Variants in ATP9B observed in about 807,000 individuals in gnomAD.
ATP9B encodes the protein ATPase phospholipid transporting 9B.
ATP9B carries 110 observed loss-of-function variants against 146.1 expected under a neutral mutation model. The ratio of observed to expected loss-of-function variants is 0.75; its 90% confidence interval spans 0.65 to 0.88. ATP9B has a LOEUF of 0.88. Among genes scored for constraint, ATP9B ranks in the 40% least tolerant of loss-of-function variants. The pLI, the probability that ATP9B is intolerant of heterozygous loss-of-function variation, is 0.00. For synonymous variants in ATP9B, 604 were observed against 569.7 expected (o/e 1.06, Z -0.86); for missense variants, 1,499 against 1,496.4 (o/e 1.00, Z -0.03).
chr18:79,327,538 CGTGCTCTCCGTGGTT>C (rs1568697133), intron 15 of ATP9B, among the ~76,000 whole-genome samples: 44 of 122,280 alleles, frequency 3.6e-4, no homozygotes, highest in Non-Finnish European at 5.0e-4. Flanking sequence ...CCGTGGTTAG[CGTGCTCTCCGTGGTT>C]AGCGTGCTCT....
intron 7 of ATP9B, among the ~76,000 whole-genome samples, chr18:79,156,248 C>G (rs959593079): frequency 9.9e-5 from 15 of 152,182 alleles, no homozygotes; most frequent in African/African-American, 3.4e-4. Context: ...CTGGCTACTT[C>G]CAGCCCATTT....
chr18:79,348,221 G>A (rs757029177), intron 25 of ATP9B, 25 bp downstream of exon 25: 15 of 1,237,738 alleles, frequency 1.2e-5, no homozygotes, highest in Non-Finnish European at 1.7e-5. Context: ...GAACCTGCCA[G>A]CTCATCCAGG....
In ATP9B at chr18:79,329,911, T is replaced by C. The variant is rs1296543444; in HGVS notation, c.1936-101T>C. On this transcript the variant is annotated intron_variant, in intron 16 of 29. Coordinates refer to ENST00000426216, the MANE Select transcript of ATP9B (RefSeq NM_198531.5). ...AGCTTAACACACAGGAACACATTCA[T>C]AGGAATTGCTTTTTCCATTGTATGT... is the stretch of plus-strand genomic sequence containing the variant. 4 of 1,057,030 alleles carry C rather than the reference T, an allele frequency of 3.8e-6. No homozygotes were observed. In the Admixed American group the frequency reaches 7.4e-5, roughly 20 times the overall value. The allele number at this position is 1,057,030 out of a possible 1,614,324, so 65.5% of individuals were successfully genotyped here.
chr18:79,085,005 CAA>C (rs36084623), intron 1 of ATP9B: 185 of 136,160 alleles, frequency 1.4e-3, no homozygotes, highest in Non-Finnish European at 1.6e-3. Context: ...GGGTAATTTA[CAA>C]AAAAAAAAAA....
At chr18:79,284,255 C>T (rs546358687) in intron 13 of ATP9B, among the ~76,000 whole-genome samples, 3 of 152,220 alleles carry the variant, frequency 2.0e-5, no homozygotes, top group South Asian at 2.1e-4. Flanking sequence ...TGCTAATAAC[C>T]GGGTATTCAG....
At chr18:79,310,495 A>G (rs2096646551) in intron 15 of ATP9B, among the ~76,000 whole-genome samples, 1 of 152,236 alleles carries the variant, frequency 6.6e-6, no homozygotes, top group Non-Finnish European at 1.5e-5. Context: ...TTTACTTTAA[A>G]ATTGCCTGAA....
rs901240915 is a variant in ATP9B, at chr18:79,305,002, G to A, written c.1524+1286G>A. On this transcript the variant is annotated intron_variant, in intron 14 of 29. Coordinates refer to ENST00000426216, the MANE Select transcript of ATP9B (RefSeq NM_198531.5). ...CCTGGGGGGTGTGACAGTTCCCAGCGCTGCACGGCACTGCTCCCCGGACTT... is the reference window on the plus strand; with the variant it reads ...CCTGGGGGGTGTGACAGTTCCCAGCACTGCACGGCACTGCTCCCCGGACTT... Among the ~76,000 whole-genome samples the A allele has an allele frequency of 4.6e-5, 7 of 152,012 alleles. No homozygotes were observed. The South Asian group carries it at 6.2e-4, about 14-fold the overall frequency.
At chr18:79,083,571 C>T (rs916780940) in intron 1 of ATP9B, among the ~76,000 whole-genome samples, 8 of 152,144 alleles carry the variant, frequency 5.3e-5, no homozygotes, top group Non-Finnish European at 7.3e-5. Context: ...CTGCGGATTG[C>T]GAAGACCATG....
intron 2 of ATP9B, 97 bp downstream of exon 2, chr18:79,096,746 A>C: frequency 6.2e-6 from 6 of 968,588 alleles, no homozygotes; most frequent in Non-Finnish European, 8.9e-6. Flanking sequence ...ATAAAAACTC[A>C]AGGAGATATT....
chr18:79,211,481 T>C (rs2095583666), intron 10 of ATP9B, among the ~76,000 whole-genome samples: 1 of 152,202 alleles, frequency 6.6e-6, no homozygotes, highest in Non-Finnish European at 1.5e-5. Flanking sequence ...AGGCTAAGTC[T>C]CGAGGGCCCT....
At chr18:79,198,399 GA>G (rs377264060) in intron 9 of ATP9B, among the ~76,000 whole-genome samples, 27 of 152,302 alleles carry the variant, frequency 1.8e-4, no homozygotes, top group Non-Finnish European at 3.7e-4. Context: ...AACATAATGA[GA>G]AAAGGGTTTA....
intron 16 of ATP9B, 149 bp downstream of exon 16, chr18:79,329,451 C>G: frequency 3.2e-6 from 3 of 947,424 alleles, no homozygotes; most frequent in Non-Finnish European, 4.3e-6. Flanking sequence ...TTAATGAAAT[C>G]TAAGCTAATA....
chr18:79,093,855 C>T lies in ATP9B; in HGVS notation c.120-2621C>T, dbSNP rs186336582. Reference sequence around the variant, plus strand: ...GACTGTTCAACTTTATCTCATGGAGCGTGGATATAATGGCTGTTTTAAAAT... The same window carrying T: ...GACTGTTCAACTTTATCTCATGGAGTGTGGATATAATGGCTGTTTTAAAAT... On this transcript the variant is annotated intron_variant, in intron 1 of 29. Transcript: ENST00000426216. Among the ~76,000 whole-genome samples, 192 of 152,310 alleles carry T rather than the reference C, an allele frequency of 1.3e-3. 2 individuals are homozygous for T. The highest frequency in any genetic ancestry group is 5.6e-3 in the South Asian group (27 of 4,828).
chr18:79,375,804 A>G (rs1387413646), intron 29 of ATP9B: 1 of 985,338 alleles, frequency 1.0e-6, no homozygotes, highest in East Asian at 1.1e-4. Flanking sequence ...ACAGAGATCC[A>G]GCGCTTCCCT....
chr18:79,264,829 T>C (rs1194221723), intron 12 of ATP9B, among the ~76,000 whole-genome samples: 2 of 152,216 alleles, frequency 1.3e-5, no homozygotes, highest in Non-Finnish European at 2.9e-5. Context: ...GGGCCTGTTT[T>C]GGTTACCTGT....
chr18:79,073,490 T>A (rs909327579), intron 1 of ATP9B, among the ~76,000 whole-genome samples: 1 of 152,150 alleles, frequency 6.6e-6, no homozygotes, highest in South Asian at 2.1e-4. Context: ...CAGTCAGGCG[T>A]GGCGGCGCGC....
intron 4 of ATP9B, among the ~76,000 whole-genome samples, chr18:79,123,738 A>G (rs1401878931): frequency 6.6e-6 from 1 of 152,218 alleles, no homozygotes; most frequent in Admixed American, 6.5e-5. Flanking sequence ...AGATCAGTGT[A>G]ATTGAGAGTC....
chr18:79,163,680 T>A (rs756036727), intron 7 of ATP9B, among the ~76,000 whole-genome samples: 46 of 152,146 alleles, frequency 3.0e-4, no homozygotes, highest in Non-Finnish European at 5.4e-4. Flanking sequence ...TATATTTTTT[T>A]ATAATTCTTT....
intron 9 of ATP9B, among the ~76,000 whole-genome samples, chr18:79,200,779 A>AGGGGG (rs2095475928): frequency 2.8e-4 from 8 of 28,512 alleles, no homozygotes; most frequent in East Asian, 6.6e-4. Flanking sequence ...GTCAGAGCAG[A>AGGGGG]AGTAGTGGTG....
Sources: allele counts gnomAD v4.1 joint callset (sites outside exome capture counted in the v4.1 genomes callset), GRCh38; gene constraint gnomAD v4.1.1; transcripts MANE v1.5; gene names NCBI Gene and HGNC (gene_info 2026-07-23, HGNC 2026-07-21).